The following TTBK2 variants were observed in gnomAD, a reference collection of about 807,000 sequenced individuals.
TTBK2 encodes the protein tau-tubulin kinase 2.
A neutral mutation model predicts 110.8 loss-of-function variants in TTBK2; 28 were observed. The observed-to-expected ratio is 0.25, with a 90% CI of 0.19 to 0.35. TTBK2 has a LOEUF of 0.35. TTBK2 is among the 10% of genes least tolerant of loss of function. The pLI is 1.00. For synonymous variants in TTBK2, 532 were observed against 527.3 expected, an observed-to-expected ratio of 1.01 and a Z score of -0.12; for missense variants, 1,369 against 1,500.3, an observed-to-expected ratio of 0.91 and a Z score of 1.45.
In TTBK2 at chr15:42,777,110, G is replaced by A. The variant is rs780766324; in HGVS notation, c.1330C>T (p.Arg444Cys). The A allele has an allele frequency of 1.1e-5, 18 of 1,614,050 alleles. No homozygotes were observed. The highest frequency in any genetic ancestry group is 8.3e-5 in the Admixed American group (5 of 59,994). Residue 444 changes from arginine (R) to cysteine (C), a missense_variant, in exon 12 of 15, where the codon CGT becomes TGT. Physicochemically the swap from Arg to Cys is radical, Grantham distance 180. Coordinates refer to ENST00000267890, the MANE Select transcript of TTBK2 (RefSeq NM_173500.4). ...DRDIPLVRKL[R>C]SIHSFELEKR... ...TCCAGCTCAAAGCTGTGAATGGAAC[G>A]TAACTTTCGCACCAGTGGAATATCT...
Position 42,911,799 on chromosome 15 carries a change from G to C in TTBK2, c.-68+8639C>G, listed in dbSNP as rs140878173. 1.7e-3 allele frequency among the ~76,000 whole-genome samples: 259 copies of C among 152,300 alleles called. 4 individuals are homozygous for C. Among genetic ancestry groups the C allele is most frequent in the South Asian group, 7.7e-3 (37 of 4,828 alleles). ...AACTAAGGAGGTATGCAAAGGCACA[G>C]AAGAGGAAATAAGCATAACATACAA... On this transcript the variant is annotated intron_variant, in intron 1 of 14. Coordinates refer to ENST00000267890, the MANE Select transcript of TTBK2 (RefSeq NM_173500.4).
At chr15:42,901,283 C>T (rs1203595311) in intron 1 of TTBK2, among the ~76,000 whole-genome samples, 1 of 151,552 alleles carries the variant, frequency 6.6e-6, no homozygotes, top group African/African-American at 2.4e-5. Context: ...AATTACTTGA[C>T]CCTGGGAGGC....
chr15:42,877,980 T>C (rs1894877070), intron 2 of TTBK2, among the ~76,000 whole-genome samples: 1 of 151,146 alleles, frequency 6.6e-6, no homozygotes, highest in African/African-American at 2.4e-5. Flanking sequence ...GTTCATTATA[T>C]AAGTCTATTT....
rs200837810 is a variant in TTBK2, at chr15:42,801,908, G to A, written c.823-7107C>T. On this transcript the variant is annotated intron_variant, in intron 9 of 14. Transcript: ENST00000267890. ...TTCCTGAAGTCCTCCACCAGCCCATGCATGTTGCCAAGCTCCGCCTCCAGC... is the reference window on the plus strand; with the variant it reads ...TTCCTGAAGTCCTCCACCAGCCCATACATGTTGCCAAGCTCCGCCTCCAGC... 6 of 1,547,714 alleles carry A rather than the reference G, an allele frequency of 3.9e-6. No homozygotes were observed. The Middle Eastern group carries it at 5.1e-4, about 131-fold the overall frequency.
chr15:42,845,498 G>A (rs1366092005), intron 3 of TTBK2, among the ~76,000 whole-genome samples: 6 of 151,612 alleles, frequency 4.0e-5, no homozygotes, highest in South Asian at 2.1e-4. Context: ...AAACCCCATC[G>A]CAGTAGGCAC....
chr15:42,803,525 C>T (rs1452590982), intron 9 of TTBK2, among the ~76,000 whole-genome samples: 1 of 152,092 alleles, frequency 6.6e-6, no homozygotes, highest in African/African-American at 2.4e-5. Flanking sequence ...GCCAAAAGTG[C>T]TGGATGATAT....
chr15:42,775,238 T>G lies in TTBK2; in HGVS notation c.1895A>C (p.Gln632Pro). ...AEGPPTAASE[Q>P]YTDRLELQPG... ...CTGGAGTTCCAGCCTATCTGTATAT[T>G]GTTCTGAAGCAGCAGTAGGAGGACC... is the stretch of plus-strand genomic sequence containing the variant. Residue 632 changes from glutamine to proline, a missense_variant, in exon 13 of 15, where the codon CAA becomes CCA. Coordinates refer to ENST00000267890, the MANE Select transcript of TTBK2 (RefSeq NM_173500.4). The G allele has an allele frequency of 6.2e-7, 1 of 1,614,250 alleles. No homozygotes were observed. Among genetic ancestry groups the G allele is most frequent in the Non-Finnish European group, 8.5e-7 (1 of 1,180,036 alleles).
At chr15:42,758,807 T>G (rs557362328) in intron 13 of TTBK2, among the ~76,000 whole-genome samples, 2 of 152,200 alleles carry the variant, frequency 1.3e-5, no homozygotes, top group East Asian at 3.9e-4. Flanking sequence ...CAGCCCTCAC[T>G]GCCACTGCAA....
At chr15:42,751,088 G>T (rs558282569) in intron 14 of TTBK2, among the ~76,000 whole-genome samples, 1 of 152,248 alleles carries the variant, frequency 6.6e-6, no homozygotes, top group South Asian at 2.1e-4. Context: ...GAGTCCTGTA[G>T]GTTGAAATGA....
At chr15:42,841,718 G>T (rs1893229517) in intron 3 of TTBK2, among the ~76,000 whole-genome samples, 1 of 152,180 alleles carries the variant, frequency 6.6e-6, no homozygotes, top group South Asian at 2.1e-4. Flanking sequence ...CCACGAGAAA[G>T]AATAAGGGGA....
rs2061738761 is a variant in TTBK2 at position 42,739,689 on chromosome 15, G to T, written c.*6106C>A. 1 of 152,248 alleles carries T rather than the reference G, an allele frequency of 6.6e-6. No individual in the cohort carries two copies. The highest frequency in any genetic ancestry group is 2.1e-4 in the South Asian group (1 of 4,830). 9.4% of individuals were successfully genotyped at this position (152,248 alleles called of 1,614,324 possible). Reference sequence around the variant, plus strand: ...TATTTCTGAAAGCTTTGTCACCTCAGTGGACTACTTTGGCTGATGAACAGT... The same window carrying T: ...TATTTCTGAAAGCTTTGTCACCTCATTGGACTACTTTGGCTGATGAACAGT... On this transcript the variant is annotated 3_prime_UTR_variant, in exon 15 of 15. Coordinates refer to ENST00000267890, the MANE Select transcript of TTBK2 (RefSeq NM_173500.4).
chr15:42,840,327 A>T, intron 4 of TTBK2, 33 bp downstream of exon 4: 1 of 1,572,466 alleles, frequency 6.4e-7, no homozygotes. Flanking sequence ...TCAAAACTGA[A>T]GAATTTAAAG....
chr15:42,801,001 TCCCA>T, intron 9 of TTBK2: 1 of 763,194 alleles, frequency 1.3e-6, no homozygotes, highest in South Asian at 1.3e-5. Context: ...GACACTAGCT[TCCCA>T]TCACGGGTTT....
chr15:42,882,178 AAAC>A lies in TTBK2; in HGVS notation c.-67-3497_-67-3495del, dbSNP rs1465344571. The stretch of plus-strand genomic sequence containing the variant: ...ACTTCACAAATTTTGTGAAGGAAAA[AAAC>A]AACAGATTGAGGAAGCTGACTGAAT... On this transcript the variant is annotated intron_variant, in intron 1 of 14. Coordinates refer to ENST00000267890, the MANE Select transcript of TTBK2 (RefSeq NM_173500.4). Among the ~76,000 whole-genome samples, 5 of 152,184 alleles carry A rather than the reference AAAC, an allele frequency of 3.3e-5. No individual in the cohort carries two copies. The East Asian group carries it at 7.7e-4, about 23-fold the overall frequency.
chr15:42,766,445 G>GAAAAAAAAAAAAAA lies in TTBK2; in HGVS notation c.1998+8689_1998+8690insTTTTTTTTTTTTTT, dbSNP rs1424460257. Among the ~76,000 whole-genome samples, 40 of 15,142 alleles carry GAAAAAAAAAAAAAA rather than the reference G, an allele frequency of 2.6e-3. 1 individual carries two copies. The highest frequency in any genetic ancestry group is 8.0e-3 in the African/African-American group (5 of 622). 9.9% of individuals were successfully genotyped at this position (15,142 alleles called of 152,430 possible). ...GGAAGATCTACCAAGCGAATGGAAA[G>GAAAAAAAAAAAAAA]CAAAAAAAAAAAAAAAAAAAAAGCA... On this transcript the variant is annotated intron_variant, in intron 13 of 14. Transcript: ENST00000267890.
intron 3 of TTBK2, among the ~76,000 whole-genome samples, chr15:42,865,707 C>T (rs900892702): frequency 6.6e-6 from 1 of 151,940 alleles, no homozygotes; most frequent in African/African-American, 2.4e-5. Context: ...CCTGTAGTCC[C>T]AGTTACTCAG....
intron 3 of TTBK2, among the ~76,000 whole-genome samples, 176 bp downstream of exon 3, chr15:42,872,435 T>C (rs1894651589): frequency 6.6e-6 from 1 of 152,218 alleles, no homozygotes; most frequent in Non-Finnish European, 1.5e-5. Context: ...TACATACTTC[T>C]ACTACTACTA....
chr15:42,902,042 C>T (rs769413817), intron 1 of TTBK2, among the ~76,000 whole-genome samples: 6 of 151,688 alleles, frequency 4.0e-5, no homozygotes, highest in Non-Finnish European at 8.8e-5. Context: ...ATGGTGAAAC[C>T]CCATCTCTAC....
chr15:42,914,989 G>C (rs1277525377), intron 1 of TTBK2, among the ~76,000 whole-genome samples: 2 of 152,188 alleles, frequency 1.3e-5, no homozygotes, highest in Non-Finnish European at 2.9e-5. Flanking sequence ...CTTGTTGGCT[G>C]TTAAATCTCC....
Sources: gnomAD v4.1 joint callset for allele counts (sites outside exome capture counted in the v4.1 genomes callset) on GRCh38, gnomAD v4.1.1 for gene constraint, MANE v1.5 for transcripts, NCBI Gene and HGNC (gene_info 2026-07-23, HGNC 2026-07-21) for gene names.